Variants in DMRTA2 observed in about 807,000 individuals in gnomAD.
DMRTA2 encodes the protein doublesex- and mab-3-related transcription factor A2.
In DMRTA2, 10 loss-of-function variants were observed where a neutral mutation model predicts 29.7. The ratio of observed to expected loss-of-function variants is 0.34; its 90% CI spans 0.21 to 0.57. DMRTA2 has a LOEUF of 0.57. Ranked by LOEUF, DMRTA2 falls within the 20% of genes least tolerant of loss-of-function variation. The probability of loss-of-function intolerance (pLI) is 0.87; values close to 1 mark genes in which losing one functional copy is unlikely to be tolerated. For synonymous variants in DMRTA2, 469 were observed against 402.6 expected, an observed-to-expected ratio of 1.16 and a Z score of -1.97; for missense variants, 783 against 812.1, an observed-to-expected ratio of 0.96 and a Z score of 0.44.
Position 50,418,522 on chromosome 1 carries a change from A to C in DMRTA2, c.*143T>G. ...CTCAGCCTTCCCCACCCACCCTCCT[A>C]AACAAAACCCAAAAACCACCTTAGA... On this transcript the variant is annotated 3_prime_UTR_variant, in exon 3 of 3. Transcript: ENST00000404795. The C allele has an allele frequency of 1.5e-6, 1 of 656,708 alleles. No homozygotes were observed. The highest frequency in any genetic ancestry group is 2.2e-6 in the Non-Finnish European group (1 of 457,096). The allele number at this position is 656,708 out of a possible 1,614,324, so 40.7% of individuals were successfully genotyped here.
In DMRTA2 at chr1:50,418,467, C is replaced by T. The variant is rs576735635; in HGVS notation, c.*198G>A. ...GGCCGCGCACCCCCTCCGAGAACAC[C>T]TGCACCTGTCTGTAGCTGCTCCCCC... is the stretch of plus-strand genomic sequence containing the variant. On this transcript the variant is annotated 3_prime_UTR_variant, in exon 3 of 3. Coordinates refer to ENST00000404795, the MANE Select transcript of DMRTA2 (RefSeq NM_032110.3). The T allele has an allele frequency of 1.1e-3, 449 of 416,254 alleles. No homozygotes were observed. Among genetic ancestry groups the T allele is most frequent in the Middle Eastern group, 1.2e-3 (2 of 1,640 alleles). The allele number at this position is 416,254 out of a possible 1,614,324, so 25.8% of individuals were successfully genotyped here.
Position 50,418,528 on chromosome 1 carries a change from A to T in DMRTA2, c.*137T>A. The T allele has an allele frequency of 1.4e-6, 1 of 718,274 alleles. No individual in the cohort carries two copies. Among genetic ancestry groups the T allele is most frequent in the South Asian group, 5.8e-5 (1 of 17,140 alleles). 44.5% of individuals were successfully genotyped at this position (718,274 alleles called of 1,614,324 possible). A position where few individuals can be genotyped will look rare whatever the true frequency, so the allele number is the denominator to read the frequency against. On this transcript the variant is annotated 3_prime_UTR_variant, in exon 3 of 3. Transcript: ENST00000404795. ...CTTCCCCACCCACCCTCCTAAACAAAACCCAAAAACCACCTTAGAGTGAGA... is the reference window on the plus strand; with the variant it reads ...CTTCCCCACCCACCCTCCTAAACAATACCCAAAAACCACCTTAGAGTGAGA...
In DMRTA2 at chr1:50,419,011, GC is replaced by G. The variant is rs1417527135; in HGVS notation, c.1282del (p.Ala428ArgfsTer5). The G allele has an allele frequency of 2.1e-6, 3 of 1,398,108 alleles. No homozygotes were observed. The highest frequency in any genetic ancestry group is 3.1e-5 in the South Asian group (2 of 64,742). 86.6% of individuals were successfully genotyped at this position (1,398,108 alleles called of 1,614,324 possible). The part of the protein sequence containing the change: ...PLLAGAMAPG[A>X]LGSLSSRSAF... Reference sequence around the variant, plus strand: ...CGAGCGGCTGCTCAGCGAGCCCAGCGCCCCAGGCGCCATGGCGCCGGCCAGC... The same window carrying G: ...CGAGCGGCTGCTCAGCGAGCCCAGCGCCCAGGCGCCATGGCGCCGGCCAGC... On this transcript the variant is annotated frameshift_variant, in exon 3 of 3. Coordinates refer to ENST00000404795, the MANE Select transcript of DMRTA2 (RefSeq NM_032110.3). LOFTEE classifies it high-confidence loss of function. This position sits in a 1 kb window ranked among gnomAD's most constrained non-coding sequence, Gnocchi z 6.1.
rs1326724936 is a variant in DMRTA2, at chr1:50,422,974, C to T, written c.-9+142G>A. 2 of 152,592 alleles carry T rather than the reference C, an allele frequency of 1.3e-5. No individual in the cohort carries two copies. Among genetic ancestry groups the T allele is most frequent in the Non-Finnish European group, 2.9e-5 (2 of 68,330 alleles). The allele number at this position is 152,592 out of a possible 1,614,324, so 9.5% of individuals were successfully genotyped here. A position where few individuals can be genotyped will look rare whatever the true frequency, so the allele number is the denominator to read the frequency against. ...AGTCCTTGTGTCTCCGTCCGAGAGT[C>T]CCAGACCTCCTCTCTATGAGCGTTG... On this transcript the variant is annotated intron_variant, in intron 1 of 2. Transcript: ENST00000404795. The surrounding 1 kb of genome is among the most constrained non-coding windows in gnomAD (Gnocchi z 5.7).
chr1:50,421,656 G>A lies in DMRTA2; in HGVS notation c.-8-112C>T, dbSNP rs2148965988. On this transcript the variant is annotated intron_variant, in intron 1 of 2. Coordinates refer to ENST00000404795, the MANE Select transcript of DMRTA2 (RefSeq NM_032110.3). This position sits in a 1 kb window ranked among gnomAD's most constrained non-coding sequence, Gnocchi z 8.7. ...GCTGGAGAGGGAAATTTGGGCCGCG[G>A]AGGCTGGGCTAGAGGGGCCAGAATT... 1.7e-6 allele frequency: 2 copies of A among 1,176,028 alleles called. No homozygotes were observed. Among genetic ancestry groups the A allele is most frequent in the East Asian group, 3.6e-5 (1 of 27,882 alleles). 72.8% of individuals were successfully genotyped at this position (1,176,028 alleles called of 1,614,324 possible).
In DMRTA2 at chr1:50,420,867, G is replaced by C; in HGVS notation, c.559+111C>G. 1.5e-6 allele frequency: 2 copies of C among 1,355,434 alleles called. No homozygotes were observed. Among genetic ancestry groups the C allele is most frequent in the Non-Finnish European group, 1.9e-6 (2 of 1,057,310 alleles). 84.0% of individuals were successfully genotyped at this position (1,355,434 alleles called of 1,614,324 possible). A position where few individuals can be genotyped will look rare whatever the true frequency, so the allele number is the denominator to read the frequency against. On this transcript the variant is annotated intron_variant, in intron 2 of 2. Transcript: ENST00000404795. The surrounding 1 kb of genome is among the most constrained non-coding windows in gnomAD (Gnocchi z 4.1). The stretch of plus-strand genomic sequence containing the variant: ...GCGAGCGGTGAACCCTAGCAGTCGC[G>C]GCGACTGGACACGGGGGTTCTACTC...
Position 50,418,616 on chromosome 1 carries a change from AGGGCTGG to A in DMRTA2, c.*42_*48del. 7.7e-7 allele frequency: 1 copy of A among 1,306,562 alleles called. No homozygotes were observed. The highest frequency in any genetic ancestry group is 9.8e-7 in the Non-Finnish European group (1 of 1,017,058). The allele number at this position is 1,306,562 out of a possible 1,614,324, so 80.9% of individuals were successfully genotyped here. ...AGAGGGGTCGATGGCCCGCGGGAAC[AGGGCTGG>A]GGTTCCTGTTTGGGGACCGGCCGGC... is the stretch of plus-strand genomic sequence containing the variant. On this transcript the variant is annotated 3_prime_UTR_variant, in exon 3 of 3. Coordinates refer to ENST00000404795, the MANE Select transcript of DMRTA2 (RefSeq NM_032110.3).
At position 50,419,096 on chromosome 1, in the gene DMRTA2, G is replaced by T. The variant is rs890973448; in HGVS notation, c.1198C>A (p.Pro400Thr). Reference sequence around the variant, plus strand: ...GCCTGCAGCGGCGCAGGCAGCCCAGGCCCCCCGGCGGCGGCGGCGGCGGCG... The same window carrying T: ...GCCTGCAGCGGCGCAGGCAGCCCAGTCCCCCCGGCGGCGGCGGCGGCGGCG... Reference protein sequence around the residue: ...AAAAAAAAGGPGLPAPLQAGP... With the variant: ...AAAAAAAAGGTGLPAPLQAGP... Residue 400 changes from proline (P) to threonine (T), a missense_variant, in exon 3 of 3, where the codon CCT becomes ACT. Physicochemically the swap from Pro to Thr is conservative, Grantham distance 38. Transcript: ENST00000404795. This position sits in a 1 kb window ranked among gnomAD's most constrained non-coding sequence, Gnocchi z 6.1. 5 of 1,207,894 alleles carry T rather than the reference G, an allele frequency of 4.1e-6. No homozygotes were observed. The African/African-American group carries it at 6.4e-5, about 15-fold the overall frequency. 74.8% of individuals were successfully genotyped at this position (1,207,894 alleles called of 1,614,324 possible).
chr1:50,418,608 G>A lies in DMRTA2; in HGVS notation c.*57C>T, dbSNP rs533252195. Reference sequence around the variant, plus strand: ...CTGGGCGAAGAGGGGTCGATGGCCCGCGGGAACAGGGCTGGGGTTCCTGTT... The same window carrying A: ...CTGGGCGAAGAGGGGTCGATGGCCCACGGGAACAGGGCTGGGGTTCCTGTT... On this transcript the variant is annotated 3_prime_UTR_variant, in exon 3 of 3. Coordinates refer to ENST00000404795, the MANE Select transcript of DMRTA2 (RefSeq NM_032110.3). The A allele has an allele frequency of 4.0e-4, 521 of 1,294,430 alleles. 2 individuals are homozygous for A. The African/African-American group carries it at 7.4e-3, about 18-fold the overall frequency. 80.2% of individuals were successfully genotyped at this position (1,294,430 alleles called of 1,614,324 possible). A position where few individuals can be genotyped will look rare whatever the true frequency, so the allele number is the denominator to read the frequency against.
Position 50,421,655 on chromosome 1 carries a change from G to C in DMRTA2, c.-8-111C>G, listed in dbSNP as rs901082641. On this transcript the variant is annotated intron_variant, in intron 1 of 2. Coordinates refer to ENST00000404795, the MANE Select transcript of DMRTA2 (RefSeq NM_032110.3). This position sits in a 1 kb window ranked among gnomAD's most constrained non-coding sequence, Gnocchi z 8.7. ...AGCTGGAGAGGGAAATTTGGGCCGCGGAGGCTGGGCTAGAGGGGCCAGAAT... is the reference window on the plus strand; with the variant it reads ...AGCTGGAGAGGGAAATTTGGGCCGCCGAGGCTGGGCTAGAGGGGCCAGAAT... 3.4e-6 allele frequency: 4 copies of C among 1,176,610 alleles called. No homozygotes were observed. The highest frequency in any genetic ancestry group is 3.2e-6 in the Non-Finnish European group (3 of 948,730). 72.9% of individuals were successfully genotyped at this position (1,176,610 alleles called of 1,614,324 possible).
rs1193891775 is a variant in DMRTA2 at position 50,419,681 on chromosome 1, G to C, written c.613C>G (p.Arg205Gly). Reference protein sequence around the residue: ...LFPKTLLQAGRPGSPLPPPVK... With the variant: ...LFPKTLLQAGGPGSPLPPPVK... ...GGCGGCGGCAGCGGGCTGCCCGGGC[G>C]GCCTGCCTGCAGCAGCGTCTTAGGA... The change falls in exon 3 of 3, where the codon CGC (arginine) becomes GGC (glycine). Residue 205 changes from arginine (R) to glycine (G), a missense_variant. By Grantham distance (125) the Arg-to-Gly change is moderately radical. Around this residue, in one of 3 missense-constraint regions of DMRTA2, gnomAD observed 667 missense variants for 624.8 expected, o/e 1.07. Transcript: ENST00000404795. This position sits in a 1 kb window ranked among gnomAD's most constrained non-coding sequence, Gnocchi z 6.1. 2.0e-6 allele frequency: 3 copies of C among 1,499,604 alleles called. No homozygotes were observed. The highest frequency in any genetic ancestry group is 2.4e-5 in the Admixed American group (1 of 41,824). 92.9% of individuals were successfully genotyped at this position (1,499,604 alleles called of 1,614,324 possible).
Position 50,422,942 on chromosome 1 carries a change from G to A in DMRTA2, c.-9+174C>T, listed in dbSNP as rs1646049367. Among the ~76,000 whole-genome samples, 1 of 152,200 alleles carries A rather than the reference G, an allele frequency of 6.6e-6. No individual in the cohort carries two copies. The highest frequency in any genetic ancestry group is 1.5e-5 in the Non-Finnish European group (1 of 68,034). On this transcript the variant is annotated intron_variant, in intron 1 of 2. Transcript: ENST00000404795. The surrounding 1 kb of genome is among the most constrained non-coding windows in gnomAD (Gnocchi z 5.7). The stretch of plus-strand genomic sequence containing the variant: ...GCGTTCCCCGTCCCTGCCAGAGCCC[G>A]CGACAGAGTCCTTGTGTCTCCGTCC...
chr1:50,420,708 G>C lies in DMRTA2; in HGVS notation c.559+270C>G, dbSNP rs1464739911. On this transcript the variant is annotated intron_variant, in intron 2 of 2. Transcript: ENST00000404795. This position sits in a 1 kb window ranked among gnomAD's most constrained non-coding sequence, Gnocchi z 4.1. Reference sequence around the variant, plus strand: ...AGCAAAGAAGCAGGGACCTGCCTGCGTTTGGGTAGAGGCGAGTAAAAAAAT... The same window carrying C: ...AGCAAAGAAGCAGGGACCTGCCTGCCTTTGGGTAGAGGCGAGTAAAAAAAT... 1.3e-5 allele frequency among the ~76,000 whole-genome samples: 2 copies of C among 152,194 alleles called. No individual in the cohort carries two copies. The highest frequency in any genetic ancestry group is 2.9e-5 in the Non-Finnish European group (2 of 68,030).
chr1:50,421,015 C>A lies in DMRTA2; in HGVS notation c.522G>T (p.Ala174=), dbSNP rs768461476. ...DGGGPGAGAP[A]GTGGGAAGAG... ...CGCCAGCTGCTCCGCCTCCGGTCCC[C>A]GCGGGCGCTCCCGCTCCAGGTCCCC... is the stretch of plus-strand genomic sequence containing the variant. Residue 174 remains alanine (A), a synonymous_variant, in exon 2 of 3, where the codon GCG becomes GCT. Transcript: ENST00000404795. This position sits in a 1 kb window ranked among gnomAD's most constrained non-coding sequence, Gnocchi z 8.7. The A allele has an allele frequency of 6.6e-7, 1 of 1,508,068 alleles. No homozygotes were observed. The highest frequency in any genetic ancestry group is 8.8e-7 in the Non-Finnish European group (1 of 1,135,210). The allele number at this position is 1,508,068 out of a possible 1,614,324, so 93.4% of individuals were successfully genotyped here.
rs150509231 is a variant in DMRTA2 at position 50,420,684 on chromosome 1, G to A, written c.559+294C>T. ...GGTTTCCACCTGGGGAGAAGACGAA[G>A]CAAAGAAGCAGGGACCTGCCTGCGT... On this transcript the variant is annotated intron_variant, in intron 2 of 2. Coordinates refer to ENST00000404795, the MANE Select transcript of DMRTA2 (RefSeq NM_032110.3). This position sits in a 1 kb window ranked among gnomAD's most constrained non-coding sequence, Gnocchi z 4.1. Among the ~76,000 whole-genome samples the A allele has an allele frequency of 5.9e-5, 9 of 152,302 alleles. No individual in the cohort carries two copies. The highest frequency in any genetic ancestry group is 1.2e-4 in the Non-Finnish European group (8 of 68,024).
chr1:50,417,887 CTTTT>C lies in DMRTA2; in HGVS notation c.*774_*777del, dbSNP rs1645997386. ...AGTCTAATTTTTTTCCATTTTGTCC[CTTTT>C]TTTGCTTGTTTTGAATGTTTTTCAC... On this transcript the variant is annotated 3_prime_UTR_variant, in exon 3 of 3. Transcript: ENST00000404795. 6.6e-6 allele frequency: 1 copy of C among 152,110 alleles called. No homozygotes were observed. Among genetic ancestry groups the C allele is most frequent in the Admixed American group, 6.6e-5 (1 of 15,264 alleles). The allele number at this position is 152,110 out of a possible 1,614,324, so 9.4% of individuals were successfully genotyped here.
At position 50,420,953 on chromosome 1, in the gene DMRTA2, ACCTGCGGCCTGG is replaced by A; in HGVS notation, c.559+13_559+24del. ...CCAGAGCTACGATCCTGCTGCCCCT[ACCTGCGGCCTGG>A]CCGCGCTCTCACCTGAGCCCCCTGC... On this transcript the variant is annotated intron_variant, in intron 2 of 2. Coordinates refer to ENST00000404795, the MANE Select transcript of DMRTA2 (RefSeq NM_032110.3). This position sits in a 1 kb window ranked among gnomAD's most constrained non-coding sequence, Gnocchi z 4.1. 1 of 1,429,894 alleles carries A rather than the reference ACCTGCGGCCTGG, an allele frequency of 7.0e-7. No homozygotes were observed. Among genetic ancestry groups the A allele is most frequent in the Non-Finnish European group, 9.1e-7 (1 of 1,102,300 alleles). 88.6% of individuals were successfully genotyped at this position (1,429,894 alleles called of 1,614,324 possible).
chr1:50,419,832 C>T lies in DMRTA2; in HGVS notation c.560-98G>A. 9.5e-7 allele frequency: 1 copy of T among 1,050,850 alleles called. No individual in the cohort carries two copies. Among genetic ancestry groups the T allele is most frequent in the Non-Finnish European group, 1.3e-6 (1 of 761,512 alleles). 65.1% of individuals were successfully genotyped at this position (1,050,850 alleles called of 1,614,324 possible). The stretch of plus-strand genomic sequence containing the variant: ...GATCTCAGTTTCCTCTCCCTCAGCC[C>T]CACAGCCCTTATTCACTAGGCTCCA... On this transcript the variant is annotated intron_variant, in intron 2 of 2. Coordinates refer to ENST00000404795, the MANE Select transcript of DMRTA2 (RefSeq NM_032110.3). The surrounding 1 kb of genome is among the most constrained non-coding windows in gnomAD (Gnocchi z 6.1).
At position 50,418,989 on chromosome 1, in the gene DMRTA2, G is replaced by A; in HGVS notation, c.1305C>T (p.Arg435=). ...TGGGCTGCAGCGGCGAGAAGGCCGAGCGGCTGCTCAGCGAGCCCAGCGCCC... is the reference window on the plus strand; with the variant it reads ...TGGGCTGCAGCGGCGAGAAGGCCGAACGGCTGCTCAGCGAGCCCAGCGCCC... ...APGALGSLSS[R]SAFSPLQPNA... Residue 435 remains arginine (R), a synonymous_variant, in exon 3 of 3, where the codon CGC becomes CGT. Transcript: ENST00000404795. The A allele has an allele frequency of 7.0e-7, 1 of 1,426,936 alleles. No individual in the cohort carries two copies. The highest frequency in any genetic ancestry group is 9.1e-7 in the Non-Finnish European group (1 of 1,095,906). The allele number at this position is 1,426,936 out of a possible 1,614,324, so 88.4% of individuals were successfully genotyped here.
Sources: allele counts gnomAD v4.1 joint callset (sites outside exome capture counted in the v4.1 genomes callset), GRCh38; gene constraint gnomAD v4.1.1; regional missense constraint gnomAD v4.1.1; non-coding constraint Gnocchi (gnomAD v3.1); transcripts MANE v1.5; gene names NCBI Gene and HGNC (gene_info 2026-07-23, HGNC 2026-07-21).